Variants in OR4K1 observed in about 807,000 individuals in gnomAD.
OR4K1 encodes olfactory receptor 4K1.
A neutral mutation model predicts 14.4 loss-of-function variants in OR4K1; 16 were observed. The ratio of observed to expected loss-of-function variants is 1.11; its 90% CI spans 0.75 to 1.68. The LOEUF (loss-of-function observed/expected upper bound fraction) is 1.68, where lower values mean the gene tolerates loss of function less well. Ranked by LOEUF, OR4K1 falls within the 40% of genes most tolerant of loss-of-function variation. The pLI is 0.00. For synonymous variants in OR4K1, 181 were observed against 133.1 expected (o/e 1.36, Z -2.48); for missense variants, 548 against 376.9 (o/e 1.45, Z -3.76).
the OR4K1 span, among the ~76,000 whole-genome samples, chr14:19,923,292 C>T: frequency 5.9e-5 from 9 of 152,210 alleles, no homozygotes; most frequent in East Asian, 1.9e-4. Context: ...ACCCATATTA[C>T]GCTGTTTTAA....
chr14:19,926,054 C>A (rs548899074), upstream of OR4K1, among the ~76,000 whole-genome samples: 6 of 152,368 alleles, frequency 3.9e-5, no homozygotes, highest in African/African-American at 1.4e-4. Context: ...AGGTGTTTTA[C>A]TTTTTAAACA....
chr14:19,936,302 G>A lies in OR4K1; in HGVS notation c.636G>A (p.Leu212=). 3 of 1,614,232 alleles carry A rather than the reference G, an allele frequency of 1.9e-6. No homozygotes were observed. The highest frequency in any genetic ancestry group is 2.5e-6 in the Non-Finnish European group (3 of 1,180,036). ...NSGLISLSCF[L]ALIISYTIIL... is the part of the protein sequence containing the mutation. ...GCCTGATATCATTGAGCTGTTTCCT[G>A]GCTTTAATTATTTCCTACACCATCA... Residue 212 remains leucine, a synonymous_variant, in exon 2 of 2, where the codon CTG becomes CTA. Transcript: ENST00000641172.
At chr14:19,925,662 C>T in the OR4K1 span, among the ~76,000 whole-genome samples, 2 of 152,262 alleles carry the variant, frequency 1.3e-5, no homozygotes, top group African/African-American at 2.4e-5. Context: ...AGCAGTCCTT[C>T]TGACAAGGAA....
chr14:19,923,978 G>A, the OR4K1 span, among the ~76,000 whole-genome samples: 12 of 152,152 alleles, frequency 7.9e-5, no homozygotes, highest in East Asian at 9.6e-4. Flanking sequence ...TGAAGGTATC[G>A]AAAAATCAGA....
At chr14:19,930,028 G>T (rs540333590), upstream of OR4K1, among the ~76,000 whole-genome samples, 2 of 152,098 alleles carry the variant, frequency 1.3e-5, no homozygotes, top group African/African-American at 4.8e-5. Flanking sequence ...TCAACATTAT[G>T]TTTTTAACCA....
chr14:19,920,675 C>T, the OR4K1 span: 187 of 1,613,844 alleles, frequency 1.2e-4, no homozygotes, highest in African/African-American at 2.2e-3. Context: ...CTCAAAAACT[C>T]CAGCTTTTCT....
the OR4K1 span, chr14:19,920,955 T>C: frequency 2.5e-6 from 4 of 1,614,078 alleles, no homozygotes; most frequent in African/African-American, 5.3e-5. Context: ...GCTACTTGTT[T>C]CGATGGCCTA....
rs555426533 is a variant in OR4K1 at position 19,935,953 on chromosome 14, G to A, written c.287G>A (p.Gly96Asp). 1.9e-6 allele frequency: 3 copies of A among 1,614,228 alleles called. No homozygotes were observed. The South Asian group carries it at 3.3e-5, about 18-fold the overall frequency. The change falls in exon 2 of 2, where the codon GGT (glycine) becomes GAT (aspartate). Residue 96 changes from glycine to aspartate, a missense_variant. Gly to Asp is a moderately conservative substitution (Grantham distance 94). Coordinates refer to ENST00000641172, the MANE Select transcript of OR4K1 (RefSeq NM_001004063.3). ...GAGCGCAAGACTATCTCCTTTGAGG[G>A]TTGCATGGCCCAGATATTCGTTCTT... is the stretch of plus-strand genomic sequence containing the variant. ...FIERKTISFEGCMAQIFVLHS... is the reference protein window; with the variant it reads ...FIERKTISFEDCMAQIFVLHS...
chr14:19,929,536 T>C (rs977452470), upstream of OR4K1, among the ~76,000 whole-genome samples: 17 of 152,254 alleles, frequency 1.1e-4, no homozygotes, highest in African/African-American at 3.8e-4. Context: ...TCTTGTCTAC[T>C]GTCACACAAT....
chr14:19,926,816 T>A (rs555959188), upstream of OR4K1, among the ~76,000 whole-genome samples: 2 of 152,372 alleles, frequency 1.3e-5, no homozygotes, highest in East Asian at 3.8e-4. Flanking sequence ...GGACATTGTG[T>A]AGATTATTTA....
chr14:19,923,536 CTT>C, the OR4K1 span, among the ~76,000 whole-genome samples: 12 of 152,134 alleles, frequency 7.9e-5, no homozygotes, highest in African/African-American at 2.6e-4. Flanking sequence ...TATTTATTAA[CTT>C]ATAGAGAATG....
In OR4K1 at chr14:19,935,869, T is replaced by G. The variant is rs141613150; in HGVS notation, c.203T>G (p.Phe68Cys). The stretch of plus-strand genomic sequence containing the variant: ...TACTTCTTGCTCAGTAATCTTTCTT[T>G]CATTGATATCTGTCAGTCTAACTTT... ...PMYFLLSNLS[F>C]IDICQSNFAT... The change falls in exon 2 of 2, where the codon TTC (phenylalanine) becomes TGC (cysteine). Residue 68 changes from phenylalanine (F) to cysteine (C), a missense_variant. Transcript: ENST00000641172. The G allele has an allele frequency of 9.9e-6, 16 of 1,614,284 alleles. No homozygotes were observed. The East Asian group carries it at 3.1e-4, about 31-fold the overall frequency.
chr14:19,936,421 G>T lies in OR4K1; in HGVS notation c.755G>T (p.Gly252Val), dbSNP rs757006754. The change falls in exon 2 of 2, where the codon GGG becomes GTG. Residue 252 changes from glycine (G) to valine (V), a missense_variant. Coordinates refer to ENST00000641172, the MANE Select transcript of OR4K1 (RefSeq NM_001004063.3). The part of the protein sequence containing the change: ...AHITVVILFF[G>V]PCIYFYIWPF... ...ATCACAGTGGTCATTCTTTTCTTCG[G>T]GCCTTGCATTTATTTCTATATATGG... 3 of 1,614,048 alleles carry T rather than the reference G, an allele frequency of 1.9e-6. No individual in the cohort carries two copies. In the South Asian group the frequency reaches 3.3e-5, roughly 18 times the overall value.
At chr14:19,928,749 T>C (rs142121647), upstream of OR4K1, among the ~76,000 whole-genome samples, 2 of 152,300 alleles carry the variant, frequency 1.3e-5, no homozygotes, top group East Asian at 3.8e-4. Flanking sequence ...TTTCAATCTG[T>C]AAGGTAAAGA....
Position 19,936,646 on chromosome 14 carries a change from C to T in OR4K1, c.*44C>T. The T allele has an allele frequency of 6.6e-7, 1 of 1,510,096 alleles. No individual in the cohort carries two copies. Among genetic ancestry groups the T allele is most frequent in the Non-Finnish European group, 9.0e-7 (1 of 1,117,220 alleles). The allele number at this position is 1,510,096 out of a possible 1,614,324, so 93.5% of individuals were successfully genotyped here. A position where few individuals can be genotyped will look rare whatever the true frequency, so the allele number is the denominator to read the frequency against. ...ATAATCCTGAATTAGAATGAAGACCCTCCAGTGTATCATAGTGTCATGCCA... is the reference window on the plus strand; with the variant it reads ...ATAATCCTGAATTAGAATGAAGACCTTCCAGTGTATCATAGTGTCATGCCA... On this transcript the variant is annotated 3_prime_UTR_variant, in exon 2 of 2. Transcript: ENST00000641172.
the OR4K1 span, among the ~76,000 whole-genome samples, chr14:19,924,400 C>CAAAAAAAAAAAAAAAAAAAAAAAAAAAA: frequency 1.4e-4 from 11 of 79,252 alleles, no homozygotes; most frequent in African/African-American, 3.4e-4. Flanking sequence ...AACTCCGTAT[C>CAAAAAAAAAAAAAAAAAAAAAAAAAAAA]AAAAAAAAAA....
At chr14:19,935,482 A>T (rs1594456278) in intron 1 of OR4K1, 166 bp from the exon 2 acceptor site, 2 of 567,846 alleles carry the variant, frequency 3.5e-6, no homozygotes, top group East Asian at 3.1e-5. Context: ...CATAGCAGTC[A>T]TGGATGTTAA....
chr14:19,921,104 G>T, the OR4K1 span: 4 of 1,614,034 alleles, frequency 2.5e-6, no homozygotes, highest in African/African-American at 5.3e-5. Context: ...CTGTGAACCT[G>T]CCTTTTTGTG....
At chr14:19,933,522 A>G (rs1287841989) in intron 1 of OR4K1, among the ~76,000 whole-genome samples, 1 of 152,214 alleles carries the variant, frequency 6.6e-6, no homozygotes. Flanking sequence ...ATGAGATCCC[A>G]TCATGGAAAC....
Sources: gnomAD v4.1 joint callset for allele counts (sites outside exome capture counted in the v4.1 genomes callset) on GRCh38, gnomAD v4.1.1 for gene constraint, MANE v1.5 for transcripts, NCBI Gene and HGNC (gene_info 2026-07-23, HGNC 2026-07-21) for gene names.